The following NDC80 variants were observed in gnomAD, a reference collection of about 807,000 sequenced individuals.
NDC80 encodes the protein kinetochore protein NDC80 homolog.
In NDC80, 69 loss-of-function variants were observed where a neutral mutation model predicts 89.3. That is an observed-to-expected ratio of 0.77 (90% CI 0.64 to 0.94). The LOEUF (loss-of-function observed/expected upper bound fraction) is 0.94, where lower values mean the gene tolerates loss of function less well. NDC80 is among the 40% of genes least tolerant of loss of function. The pLI, the probability that NDC80 is intolerant of heterozygous loss-of-function variation, is 0.00. For synonymous variants in NDC80, 243 were observed against 255.6 expected, an observed-to-expected ratio of 0.95 and a Z score of 0.47; for missense variants, 593 against 739.6, an observed-to-expected ratio of 0.80 and a Z score of 2.30.
intron 2 of NDC80, among the ~76,000 whole-genome samples, chr18:2,573,722 T>G (rs2072531804): frequency 6.6e-6 from 1 of 152,252 alleles, no homozygotes; most frequent in Non-Finnish European, 1.5e-5. Flanking sequence ...TTACATAGTA[T>G]GAGCCTATGT....
chr18:2,575,088 T>C, intron 3 of NDC80, 22 bp downstream of exon 3: 1 of 1,534,992 alleles, frequency 6.5e-7, no homozygotes, highest in Non-Finnish European at 9.0e-7. Context: ...TTTCATTAGC[T>C]CTAATAAAGG....
At chr18:2,596,619 G>A (rs1186992569) in intron 11 of NDC80, among the ~76,000 whole-genome samples, 274 of 149,290 alleles carry the variant, frequency 1.8e-3, no homozygotes, top group African/African-American at 4.4e-3. Context: ...TCAGTGTGGC[G>A]ATTCCTCAGG....
At chr18:2,587,231 C>T (rs1192417334) in intron 7 of NDC80, among the ~76,000 whole-genome samples, 1 of 152,192 alleles carries the variant, frequency 6.6e-6, no homozygotes, top group Admixed American at 6.5e-5. Flanking sequence ...ATAAAGTCTA[C>T]ATTCTCAGTG....
intron 3 of NDC80, among the ~76,000 whole-genome samples, chr18:2,577,013 A>G (rs552005729): frequency 6.6e-6 from 1 of 152,290 alleles, no homozygotes; most frequent in South Asian, 2.1e-4. Flanking sequence ...TTTGGTATTT[A>G]TTTCAGTTGA....
In NDC80 at chr18:2,585,067, T is replaced by C. The variant is rs766359308; in HGVS notation, c.580-46T>C. ...ACAGAATTTGCCAAAAAATGAAAGT[T>C]GTGTTTTTCAGATCAACTTGCTTTT... On this transcript the variant is annotated intron_variant, in intron 6 of 16. Coordinates refer to ENST00000261597, the MANE Select transcript of NDC80 (RefSeq NM_006101.3). 2.7e-6 allele frequency: 4 copies of C among 1,471,130 alleles called. No individual in the cohort carries two copies. The African/African-American group carries it at 5.6e-5, about 20-fold the overall frequency. The allele number at this position is 1,471,130 out of a possible 1,614,324, so 91.1% of individuals were successfully genotyped here. A position where few individuals can be genotyped will look rare whatever the true frequency, so the allele number is the denominator to read the frequency against.
In NDC80 at chr18:2,610,778, A is replaced by C; in HGVS notation, c.1708A>C (p.Thr570Pro). The C allele has an allele frequency of 6.3e-7, 1 of 1,592,700 alleles. No homozygotes were observed. The highest frequency in any genetic ancestry group is 8.6e-7 in the Non-Finnish European group (1 of 1,165,574). ...VQREYQLVVQ[T>P]TTEERRKVGN... ...CTACAGATACCAACTAGTTGTGCAA[A>C]CCACGACTGAAGAAAGACGAAAAGT... is the stretch of plus-strand genomic sequence containing the variant. The change falls in exon 16 of 17, where the codon ACC (threonine) becomes CCC (proline). Residue 570 changes from threonine (T) to proline (P), a missense_variant. Coordinates refer to ENST00000261597, the MANE Select transcript of NDC80 (RefSeq NM_006101.3).
At chr18:2,584,943 CGAAA>C (rs1020403618) in intron 6 of NDC80, among the ~76,000 whole-genome samples, 166 bp from the exon 7 acceptor site, 4 of 151,980 alleles carry the variant, frequency 2.6e-5, no homozygotes, top group African/African-American at 7.3e-5. Flanking sequence ...TTGTTTTATT[CGAAA>C]GAAAGTCAAA....
intron 10 of NDC80, among the ~76,000 whole-genome samples, chr18:2,591,854 A>G (rs2072629292): frequency 6.6e-6 from 1 of 151,248 alleles, no homozygotes; most frequent in Admixed American, 6.6e-5. Flanking sequence ...TCCCGGGTTC[A>G]AATAATTCTT....
intron 1 of NDC80, 31 bp from the exon 2 acceptor site, chr18:2,572,945 GT>G (rs761567239): frequency 5.7e-6 from 9 of 1,567,802 alleles, no homozygotes; most frequent in Admixed American, 1.8e-5. Flanking sequence ...TGTCTGGAAA[GT>G]TTTTTTTAAA....
chr18:2,579,320 T>C, intron 6 of NDC80: 1 of 264,220 alleles, frequency 3.8e-6, no homozygotes, highest in Non-Finnish European at 7.0e-6. Context: ...TTACCCTTTT[T>C]AATTAAAATC....
At chr18:2,593,845 T>G (rs1278045869) in intron 10 of NDC80, 1 of 299,758 alleles carries the variant, frequency 3.3e-6, no homozygotes, top group African/African-American at 2.3e-5. Context: ...GTTTGGATGA[T>G]AATTCTGACC....
At chr18:2,591,832 G>A in intron 10 of NDC80, among the ~76,000 whole-genome samples, 1 of 148,428 alleles carries the variant, frequency 6.7e-6, no homozygotes, top group East Asian at 2.0e-4. Flanking sequence ...TCCGCTCACT[G>A]CAACCTCCGC....
At chr18:2,615,367 C>T (rs1171968927) in intron 16 of NDC80, 1 of 152,216 alleles carries the variant, frequency 6.6e-6, no homozygotes, top group Non-Finnish European at 1.5e-5. Context: ...CCTTTGCCAG[C>T]TTCTAGAGGC....
intron 3 of NDC80, among the ~76,000 whole-genome samples, chr18:2,577,050 T>C (rs1010303942): frequency 1.3e-5 from 2 of 152,232 alleles, no homozygotes; most frequent in Non-Finnish European, 2.9e-5. Context: ...ATTTTTGTAA[T>C]GTAATTCATC....
At chr18:2,592,925 AAACACT>A (rs1461970492) in intron 10 of NDC80, among the ~76,000 whole-genome samples, 4 of 152,026 alleles carry the variant, frequency 2.6e-5, no homozygotes, top group African/African-American at 4.8e-5. Flanking sequence ...GAAGGTTGGA[AAACACT>A]ATTGGTAAAC....
chr18:2,603,838 G>A (rs1291556574), intron 13 of NDC80, among the ~76,000 whole-genome samples: 3 of 152,006 alleles, frequency 2.0e-5, no homozygotes, highest in African/African-American at 4.8e-5. Context: ...CTCCAATAAC[G>A]GATAATTTCA....
intron 16 of NDC80, among the ~76,000 whole-genome samples, chr18:2,612,569 ATGAGCCACTCGCCTGGCAG>A (rs2072751282): frequency 6.6e-6 from 1 of 152,062 alleles, no homozygotes; most frequent in African/African-American, 2.4e-5. Flanking sequence ...GATTGCAGGC[ATGAGCCACTCGCCTGGCAG>A]TGATTTTCTA....
chr18:2,573,125 T>C, intron 2 of NDC80, 39 bp downstream of exon 2: 1 of 1,485,158 alleles, frequency 6.7e-7, no homozygotes, highest in South Asian at 1.2e-5. Flanking sequence ...GCATGCTTTA[T>C]CATCTTAGGC....
At chr18:2,582,487 A>G (rs1245890531) in intron 6 of NDC80, 1 of 152,208 alleles carries the variant, frequency 6.6e-6, no homozygotes, top group African/African-American at 2.4e-5. Flanking sequence ...GATTATTACT[A>G]AAAGAGTTTT....
Sources: allele counts gnomAD v4.1 joint callset (sites outside exome capture counted in the v4.1 genomes callset), GRCh38; gene constraint gnomAD v4.1.1; transcripts MANE v1.5; gene names NCBI Gene and HGNC (gene_info 2026-07-23, HGNC 2026-07-21).